Variants in DDX54 observed in about 807,000 individuals in gnomAD.
DDX54 encodes the protein ATP-dependent RNA helicase DDX54.
Under a neutral mutation model 105.5 loss-of-function variants are expected in DDX54, and 67 were observed. That is an observed-to-expected ratio of 0.64 (90% CI 0.52 to 0.78). DDX54 has a LOEUF of 0.78. DDX54 is among the 30% of genes least tolerant of loss of function. The pLI is 0.00. For missense variants in DDX54, 1,206 were observed against 1,230.5 expected, an observed-to-expected ratio of 0.98 and a Z score of 0.30; for synonymous variants, 514 against 509.9, an observed-to-expected ratio of 1.01 and a Z score of -0.11.
Position 113,158,982 on chromosome 12 carries a change from G to T in DDX54, c.2541C>A (p.Leu847=), listed in dbSNP as rs1278041673. ...QKLHFLQRGG[L]KQLSARNRRR... is the part of the protein sequence containing the mutation. ...GGCGGTTGCGGGCAGAGAGCTGCTTGAGGCCACCACGCTGCAGGAAGTGCA... is the reference window on the plus strand; with the variant it reads ...GGCGGTTGCGGGCAGAGAGCTGCTTTAGGCCACCACGCTGCAGGAAGTGCA... The change falls in exon 20 of 20, where the codon CTC becomes CTA. Residue 847 remains leucine, a synonymous_variant. Transcript: ENST00000306014. The surrounding 1 kb of genome is among the most constrained non-coding windows in gnomAD (Gnocchi z 4.9). 6.2e-7 allele frequency: 1 copy of T among 1,611,262 alleles called. No individual in the cohort carries two copies. The highest frequency in any genetic ancestry group is 1.3e-5 in the African/African-American group (1 of 74,912).
chr12:113,169,304 G>C (rs1488357697), intron 12 of DDX54, among the ~76,000 whole-genome samples: 2 of 151,324 alleles, frequency 1.3e-5, no homozygotes, highest in Non-Finnish European at 2.9e-5. Flanking sequence ...GCCTGAGCAA[G>C]AGTAAGACCC....
intron 5 of DDX54, 92 bp from the exon 6 acceptor site, chr12:113,177,185 T>C: frequency 1.4e-6 from 2 of 1,473,226 alleles, no homozygotes; most frequent in South Asian, 1.2e-5. Context: ...GCACACCCCA[T>C]CCCCAGGAAC....
chr12:113,179,822 T>G, intron 3 of DDX54, 113 bp downstream of exon 3: 2 of 1,276,952 alleles, frequency 1.6e-6, no homozygotes. Flanking sequence ...TTCAGCAGAG[T>G]AAAGGGGGCA....
intron 11 of DDX54, 152 bp from the exon 12 acceptor site, chr12:113,170,056 C>T (rs768869104): frequency 4.4e-5 from 49 of 1,123,570 alleles, no homozygotes; most frequent in African/African-American, 1.1e-4. Flanking sequence ...AGTTTAATCC[C>T]GGTCCCTAGG....
At chr12:113,167,926 T>C in intron 12 of DDX54, 1 of 510,890 alleles carries the variant, frequency 2.0e-6, no homozygotes, top group Non-Finnish European at 3.9e-6. Flanking sequence ...CCCCTGGGGC[T>C]GCCAGGTGGG....
At position 113,175,031 on chromosome 12, in the gene DDX54, C is replaced by T. The variant is rs747478602; in HGVS notation, c.874+5G>A. 15 of 1,613,740 alleles carry T rather than the reference C, an allele frequency of 9.3e-6. No individual in the cohort carries two copies. Among genetic ancestry groups the T allele is most frequent in the South Asian group, 6.6e-5 (6 of 91,070 alleles). Reference sequence around the variant, plus strand: ...AGCCCCCATCTCCACCCCCAGCTCACGCACCAGCCCGGGCAAATTCCACCA... The same window carrying T: ...AGCCCCCATCTCCACCCCCAGCTCATGCACCAGCCCGGGCAAATTCCACCA... On this transcript the variant is annotated splice_donor_5th_base_variant and intron_variant, in intron 8 of 19. Transcript: ENST00000306014.
chr12:113,165,879 C>G lies in DDX54; in HGVS notation c.1568G>C (p.Arg523Pro). 1 of 1,613,648 alleles carries G rather than the reference C, an allele frequency of 6.2e-7. No homozygotes were observed. Among genetic ancestry groups the G allele is most frequent in the Non-Finnish European group, 8.5e-7 (1 of 1,179,994 alleles). Residue 523 changes from arginine (R) to proline (P), a missense_variant, in exon 13 of 20, where the codon CGC (arginine) becomes CCC (proline). Around this residue, in one of 3 missense-constraint regions of DDX54, gnomAD observed 961 missense variants for 1,019.1 expected, o/e 0.94. Transcript: ENST00000306014. The stretch of plus-strand genomic sequence containing the variant: ...GATGGACTCAGGCGAGGGCGCCGGG[C>G]GTGAGCGCACATACTGCTGCTGGGC... ...DNAQQQYVRS[R>P]PAPSPESIKR... is the part of the protein sequence containing the mutation.
rs190697972 is a variant in DDX54 at position 113,180,035 on chromosome 12, C to T, written c.305-30G>A. 1,049 of 1,611,770 alleles carry T rather than the reference C, an allele frequency of 6.5e-4. 3 individuals are homozygous for T. The highest frequency in any genetic ancestry group is 1.1e-3 in the Admixed American group (66 of 59,990). The stretch of plus-strand genomic sequence containing the variant: ...GAGAGACATGAAACGGTCAGGGGGC[C>T]GAGGGAGTCCCCACAGCACCAACCC... On this transcript the variant is annotated intron_variant, in intron 2 of 19. Coordinates refer to ENST00000306014, the MANE Select transcript of DDX54 (RefSeq NM_024072.4).
intron 4 of DDX54, 48 bp from the exon 5 acceptor site, chr12:113,179,074 C>T (rs2136325569): frequency 6.2e-7 from 1 of 1,613,416 alleles, no homozygotes; most frequent in Non-Finnish European, 8.5e-7. Flanking sequence ...GATGACAGCA[C>T]ACTCGTGGCC....
At chr12:113,181,368 C>G (rs1169036370) in intron 1 of DDX54, among the ~76,000 whole-genome samples, 1 of 151,888 alleles carries the variant, frequency 6.6e-6, no homozygotes, top group Non-Finnish European at 1.5e-5. Context: ...GCATGGCTCA[C>G]TGCAGCCTTG....
Position 113,164,277 on chromosome 12 carries a change from A to C in DDX54, c.1728T>G (p.Phe576Leu). The change falls in exon 15 of 20, where the codon TTT becomes TTG. Residue 576 changes from phenylalanine (F) to leucine (L), a missense_variant. Around this residue, in one of 3 missense-constraint regions of DDX54, gnomAD observed 961 missense variants for 1,019.1 expected, o/e 0.94. Coordinates refer to ENST00000306014, the MANE Select transcript of DDX54 (RefSeq NM_024072.4). Reference sequence around the variant, plus strand: ...GGTCTCGGCTGGAGGCGTTGATCTCAAAGATAGTCTGTGGAGGGGACACCC... The same window carrying C: ...GGTCTCGGCTGGAGGCGTTGATCTCCAAGATAGTCTGTGGAGGGGACACCC... Reference protein sequence around the residue: ...IKNYRSRATIFEINASSRDLC... With the variant: ...IKNYRSRATILEINASSRDLC... The C allele has an allele frequency of 6.3e-7, 1 of 1,589,082 alleles. No individual in the cohort carries two copies. Among genetic ancestry groups the C allele is most frequent in the Non-Finnish European group, 8.5e-7 (1 of 1,169,896 alleles).
chr12:113,181,166 T>C, intron 1 of DDX54, 108 bp from the exon 2 acceptor site: 1 of 1,348,302 alleles, frequency 7.4e-7, no homozygotes, highest in Non-Finnish European at 9.8e-7. Flanking sequence ...AAGCCAATGA[T>C]GCTTCCGCCA....
intron 1 of DDX54, chr12:113,183,802 T>C (rs1447068270): frequency 6.6e-6 from 1 of 152,216 alleles, no homozygotes; most frequent in Non-Finnish European, 1.5e-5. Flanking sequence ...TTTTCTTTTT[T>C]TGGAGACAGA....
At chr12:113,172,077 G>A (rs1952346200) in intron 11 of DDX54, among the ~76,000 whole-genome samples, 1 of 151,440 alleles carries the variant, frequency 6.6e-6, no homozygotes, top group Non-Finnish European at 1.5e-5. Flanking sequence ...AGCTGTATGG[G>A]TGCTATTGTA....
At chr12:113,160,535 G>C (rs777582028) in intron 19 of DDX54, among the ~76,000 whole-genome samples, 1 of 152,194 alleles carries the variant, frequency 6.6e-6, no homozygotes, top group Non-Finnish European at 1.5e-5. Flanking sequence ...CCTGATAACA[G>C]CCCTTAAGCA....
chr12:113,157,397 G>T lies in DDX54; in HGVS notation c.*1480C>A, dbSNP rs1952141006. The T allele has an allele frequency of 1.7e-6, 1 of 589,594 alleles. No homozygotes were observed. The highest frequency in any genetic ancestry group is 1.9e-5 in the African/African-American group (1 of 53,770). The allele number at this position is 589,594 out of a possible 1,614,324, so 36.5% of individuals were successfully genotyped here. A position where few individuals can be genotyped will look rare whatever the true frequency, so the allele number is the denominator to read the frequency against. ...TGTGAAGGTGTCTGCTCACGCAGCAGTTGGGAAGGTTGGCCTGAGGCTTTC... is the reference window on the plus strand; with the variant it reads ...TGTGAAGGTGTCTGCTCACGCAGCATTTGGGAAGGTTGGCCTGAGGCTTTC... On this transcript the variant is annotated 3_prime_UTR_variant, in exon 20 of 20. Coordinates refer to ENST00000306014, the MANE Select transcript of DDX54 (RefSeq NM_024072.4).
intron 1 of DDX54, among the ~76,000 whole-genome samples, chr12:113,182,554 C>CA (rs1952478484): frequency 6.6e-6 from 1 of 151,976 alleles, no homozygotes; most frequent in African/African-American, 2.4e-5. Flanking sequence ...GCATGTCCTT[C>CA]AGTCTTCTTC....
rs558993925 is a variant in DDX54 at position 113,163,766 on chromosome 12, CCTCT to C, written c.1938+297_1938+300del. Among the ~76,000 whole-genome samples, 23 of 151,466 alleles carry C rather than the reference CCTCT, an allele frequency of 1.5e-4. No individual in the cohort carries two copies. Among genetic ancestry groups the C allele is most frequent in the African/African-American group, 5.1e-4 (21 of 41,236 alleles). On this transcript the variant is annotated intron_variant, in intron 15 of 19. Transcript: ENST00000306014. This position sits in a 1 kb window ranked among gnomAD's most constrained non-coding sequence, Gnocchi z 5.9. ...GTGAATGGGACACTTCATGGTCCTCCCTCTGAGTGGAGACCTACACGTCTCACTG... is the reference window on the plus strand; with the variant it reads ...GTGAATGGGACACTTCATGGTCCTCCGAGTGGAGACCTACACGTCTCACTG...
At chr12:113,161,805 G>T in intron 18 of DDX54, 88 bp downstream of exon 18, 1 of 92,878 alleles carries the variant, frequency 1.1e-5, no homozygotes, top group South Asian at 6.1e-5. Context: ...CCCCGCCCCC[G>T]CCCCCGCCCC....
Sources: gnomAD v4.1 joint callset for allele counts (sites outside exome capture counted in the v4.1 genomes callset) on GRCh38, gnomAD v4.1.1 for gene constraint, gnomAD v4.1.1 regional missense constraint, Gnocchi (gnomAD v3.1) non-coding constraint, MANE v1.5 for transcripts, NCBI Gene and HGNC (gene_info 2026-07-23, HGNC 2026-07-21) for gene names.